ARB2A: variants seen among roughly 807,000 people sequenced by gnomAD.
ARB2A encodes ARB2 cotranscriptional regulator A, also known as cotranscriptional regulator ARB2A.
the ARB2A span, among the ~76,000 whole-genome samples, chr5:93,688,118 C>T: frequency 2.0e-5 from 3 of 152,200 alleles, no homozygotes; most frequent in South Asian, 2.1e-4. Flanking sequence ...GGAATACAGG[C>T]GTGCGCCACC....
chr5:93,813,065 C>A, the ARB2A span, among the ~76,000 whole-genome samples: 2 of 152,270 alleles, frequency 1.3e-5, no homozygotes, highest in Middle Eastern at 3.4e-3. Context: ...TGAATCCCAA[C>A]CATGTTAACA....
chr5:93,883,865 T>C, the ARB2A span, among the ~76,000 whole-genome samples: 1 of 149,872 alleles, frequency 6.7e-6, no homozygotes, highest in African/African-American at 2.5e-5. Flanking sequence ...TCATGTTTCT[T>C]CCTTGCCTTC....
chr5:93,845,269 A>T, the ARB2A span, among the ~76,000 whole-genome samples: 6 of 152,292 alleles, frequency 3.9e-5, no homozygotes, highest in South Asian at 1.2e-3. Flanking sequence ...TCACTGCTTA[A>T]TGTGTCATAA....
At chr5:94,073,689 G>A in the ARB2A span, among the ~76,000 whole-genome samples, 5 of 152,054 alleles carry the variant, frequency 3.3e-5, no homozygotes, top group Admixed American at 6.6e-5. Context: ...TACATTACTT[G>A]CCCTCACTCC....
the ARB2A span, among the ~76,000 whole-genome samples, chr5:93,883,352 G>C: frequency 2.0e-5 from 3 of 151,506 alleles, no homozygotes; most frequent in Non-Finnish European, 4.4e-5. Flanking sequence ...TTCACAAAAA[G>C]CTTATAAAAC....
the ARB2A span, among the ~76,000 whole-genome samples, chr5:93,771,767 T>C: frequency 2.0e-5 from 3 of 152,284 alleles, no homozygotes; most frequent in East Asian, 3.9e-4. Context: ...TACCATCTCA[T>C]ACCAGTTAGA....
At chr5:93,998,109 A>G in the ARB2A span, among the ~76,000 whole-genome samples, 2 of 152,108 alleles carry the variant, frequency 1.3e-5, no homozygotes, top group African/African-American at 4.8e-5. Context: ...AAAATCAGAA[A>G]GGAACTGACA....
the ARB2A span, among the ~76,000 whole-genome samples, chr5:94,077,484 TG>T: frequency 6.6e-6 from 1 of 152,086 alleles, no homozygotes; most frequent in African/African-American, 2.4e-5. Flanking sequence ...CTTAACATAG[TG>T]TTAGATTTTT....
the ARB2A span, among the ~76,000 whole-genome samples, chr5:93,989,286 T>C: frequency 1.3e-5 from 2 of 152,202 alleles, no homozygotes; most frequent in African/African-American, 2.4e-5. Flanking sequence ...ATAATGTACA[T>C]TCTTCCTTAT....
the ARB2A span, among the ~76,000 whole-genome samples, chr5:93,732,081 C>G: frequency 2.0e-5 from 3 of 152,146 alleles, no homozygotes; most frequent in Non-Finnish European, 4.4e-5. Context: ...AGACTGTTTT[C>G]TAGAGGTAGC....
chr5:94,071,161 T>C, the ARB2A span, among the ~76,000 whole-genome samples: 11 of 151,974 alleles, frequency 7.2e-5, no homozygotes, highest in Non-Finnish European at 1.6e-4. Context: ...ATTTGGCAAA[T>C]GGATAAGTAA....
the ARB2A span, among the ~76,000 whole-genome samples, chr5:93,788,656 G>A: frequency 5.3e-5 from 8 of 152,082 alleles, no homozygotes; most frequent in South Asian, 8.3e-4. Flanking sequence ...ATGACTTTCC[G>A]CAAAGGAAAA....
At chr5:93,768,575 CTA>C in the ARB2A span, among the ~76,000 whole-genome samples, 15 of 150,538 alleles carry the variant, frequency 1.0e-4, no homozygotes, top group South Asian at 1.0e-3. Context: ...TACATATATA[CTA>C]TGTGTGTGTG....
At chr5:93,761,779 C>T in the ARB2A span, among the ~76,000 whole-genome samples, 2 of 152,184 alleles carry the variant, frequency 1.3e-5, no homozygotes, top group Non-Finnish European at 2.9e-5. Flanking sequence ...CCCTGAGCCC[C>T]GAGTAGCCTA....
chr5:93,922,299 A>G, the ARB2A span, among the ~76,000 whole-genome samples: 1 of 152,040 alleles, frequency 6.6e-6, no homozygotes, highest in African/African-American at 2.4e-5. Context: ...AAAATTGAAG[A>G]GGCAGTGAAG....
chr5:93,863,532 T>C, the ARB2A span: 247 of 152,014 alleles, frequency 1.6e-3, no homozygotes, highest in African/African-American at 5.7e-3. Flanking sequence ...GTCTTCTGAG[T>C]AGGTGGGATT....
the ARB2A span, among the ~76,000 whole-genome samples, chr5:93,757,769 C>T: frequency 6.6e-6 from 1 of 152,116 alleles, no homozygotes; most frequent in Non-Finnish European, 1.5e-5. Context: ...AACAGAACCT[C>T]TTTGAAGCTT....
the ARB2A span, among the ~76,000 whole-genome samples, chr5:93,744,791 A>G: frequency 5.9e-5 from 9 of 152,204 alleles, no homozygotes; most frequent in African/African-American, 2.2e-4. Context: ...TTGAAAGGCT[A>G]ATCCACCACC....
the ARB2A span, among the ~76,000 whole-genome samples, chr5:93,786,065 A>G: frequency 6.6e-6 from 1 of 152,176 alleles, no homozygotes; most frequent in African/African-American, 2.4e-5. Flanking sequence ...ATCTAGACCA[A>G]TTGTTGCTGA....
Sources: allele counts gnomAD v4.1 joint callset (sites outside exome capture counted in the v4.1 genomes callset), GRCh38; gene constraint gnomAD v4.1.1; transcripts MANE v1.5; gene names NCBI Gene and HGNC (gene_info 2026-07-23, HGNC 2026-07-21).